Variants in STS observed in about 807,000 individuals in gnomAD.
STS encodes the protein steroid sulfatase.
Under a neutral mutation model 26.8 loss-of-function variants are expected in STS, and 7 were observed. The ratio of observed to expected loss-of-function variants is 0.26; its 90% CI spans 0.15 to 0.49. The LOEUF (loss-of-function observed/expected upper bound fraction) is 0.49. Ranked by LOEUF, STS falls within the 20% of genes least tolerant of loss-of-function variation. The pLI is 0.98. For missense variants in STS, 434 were observed against 465.6 expected, an observed-to-expected ratio of 0.93 and a Z score of 0.63; for synonymous variants, 199 against 189.4, an observed-to-expected ratio of 1.05 and a Z score of -0.42.
At chrX:7,280,198 T>A (rs1157837799) in intron 7 of STS, among the ~76,000 whole-genome samples, 1 of 111,434 alleles carries the variant, frequency 9.0e-6, no homozygotes, top group Non-Finnish European at 1.9e-5. Context: ...TGGGGTGCAA[T>A]GATGATAAGA....
At chrX:7,257,664 G>A in intron 5 of STS, 76 bp downstream of exon 5, 1 of 1,148,583 alleles carries the variant, frequency 8.7e-7, no homozygotes, top group Non-Finnish European at 1.2e-6. Flanking sequence ...GTTAGCAAAA[G>A]AGTGGGAGAG....
At chrX:7,185,118 G>A (rs1465516890) in intron 1 of STS, among the ~76,000 whole-genome samples, 7 of 111,884 alleles carry the variant, frequency 6.3e-5, no homozygotes, top group African/African-American at 2.3e-4. Context: ...GGATGAAATG[G>A]CAATGTGAAA....
chrX:7,233,091 C>CTTTTT (rs3077766), intron 2 of STS, among the ~76,000 whole-genome samples: 10 of 69,865 alleles, frequency 1.4e-4, no homozygotes, highest in Non-Finnish European at 2.1e-4. Flanking sequence ...TTCTTTTTTT[C>CTTTTT]TTTTTTTTTT....
chrX:7,340,900 A>G (rs1409015947), intron 10 of STS, among the ~76,000 whole-genome samples: 1 of 111,751 alleles, frequency 8.9e-6, no homozygotes, highest in Non-Finnish European at 1.9e-5. Context: ...CATGGCTACT[A>G]CTTCCCAAGG....
At chrX:7,285,108 G>A (rs1374563279) in intron 7 of STS, among the ~76,000 whole-genome samples, 4 of 110,561 alleles carry the variant, frequency 3.6e-5, no homozygotes, top group African/African-American at 9.9e-5. Flanking sequence ...ATGAAGAGGA[G>A]GAAGCAGGGG....
chrX:7,267,153 TGAGTGAGGATTAGTCC>T (rs1924045709), intron 6 of STS, among the ~76,000 whole-genome samples: 1 of 112,159 alleles, frequency 8.9e-6, no homozygotes, highest in Non-Finnish European at 1.9e-5. Context: ...GTAGACTTAT[TGAGTGAGGATTAGTCC>T]GAGTGAGGAT....
At chrX:7,327,740 A>G (rs1469474762) in intron 9 of STS, among the ~76,000 whole-genome samples, 1 of 110,421 alleles carries the variant, frequency 9.1e-6, no homozygotes, top group Non-Finnish European at 1.9e-5. Context: ...CTGGGCCTTC[A>G]CTCCTTCTCT....
chrX:7,168,930 T>C (rs1388830200), intron 1 of STS, among the ~76,000 whole-genome samples: 1 of 111,896 alleles, frequency 8.9e-6, no homozygotes, highest in Non-Finnish European at 1.9e-5. Context: ...GAAGGCTTTA[T>C]GGTATTAACA....
chrX:7,201,171 T>C (rs1389206928), intron 2 of STS, among the ~76,000 whole-genome samples: 3 of 111,414 alleles, frequency 2.7e-5, no homozygotes, highest in African/African-American at 9.8e-5. Context: ...AGATGATAGA[T>C]AGGTGGATGG....
At position 7,219,027 on chromosome X, in the gene STS, T is replaced by C. The variant is rs771010561; in HGVS notation, c.-5+28019T>C. ...AACCTGGCTCTGCAGTTAGCAAACC[T>C]GGGCTTTCCAAAAGCTAAAACCACC... On this transcript the variant is annotated intron_variant, in intron 2 of 10. Coordinates refer to ENST00000674429, the MANE Select transcript of STS (RefSeq NM_001320752.2). 5.3e-5 allele frequency among the ~76,000 whole-genome samples: 6 copies of C among 112,317 alleles called. No homozygotes were observed. The South Asian group carries it at 1.9e-3, about 35-fold the overall frequency.
intron 2 of STS, among the ~76,000 whole-genome samples, chrX:7,247,337 GGA>G (rs1343133416): frequency 2.7e-5 from 3 of 111,853 alleles, no homozygotes; most frequent in African/African-American, 6.5e-5. Flanking sequence ...GAGTGGATCA[GGA>G]GAGAGAGAGG....
intron 7 of STS, among the ~76,000 whole-genome samples, chrX:7,303,030 A>G (rs921754696): frequency 3.2e-4 from 36 of 111,271 alleles, no homozygotes; most frequent in African/African-American, 1.1e-3. Flanking sequence ...AGCAGGTGAT[A>G]TGGTTTGGCT....
In STS at chrX:7,333,427, TA is replaced by T. The variant is rs1927853675; in HGVS notation, c.1242-557del. On this transcript the variant is annotated intron_variant, in intron 9 of 10. Coordinates refer to ENST00000674429, the MANE Select transcript of STS (RefSeq NM_001320752.2). The stretch of plus-strand genomic sequence containing the variant: ...GGGAATAATCCGTTCCCTGGTTATT[TA>T]ATGGTATCATTATTATTATATATAC... 2.7e-5 allele frequency among the ~76,000 whole-genome samples: 3 copies of T among 112,514 alleles called. No homozygotes were observed. In the Admixed American group the frequency reaches 2.8e-4, roughly 11 times the overall value.
intron 1 of STS, among the ~76,000 whole-genome samples, chrX:7,176,486 G>C (rs1204993991): frequency 8.9e-6 from 1 of 111,852 alleles, no homozygotes; most frequent in Non-Finnish European, 1.9e-5. Context: ...GCATGTCTTT[G>C]TGTATCTCTA....
chrX:7,163,959 C>T (rs1157888730), intron 1 of STS, among the ~76,000 whole-genome samples: 1 of 111,995 alleles, frequency 8.9e-6, no homozygotes, highest in African/African-American at 3.2e-5. Flanking sequence ...TCTGGGACTA[C>T]AGGTGCCCAC....
At chrX:7,176,189 C>G (rs867668100) in intron 1 of STS, among the ~76,000 whole-genome samples, 29 of 111,916 alleles carry the variant, frequency 2.6e-4, no homozygotes, top group African/African-American at 8.1e-4. Flanking sequence ...TCTAAAGTCA[C>G]TCTTCGGTAA....
intron 5 of STS, 62 bp from the exon 6 acceptor site, chrX:7,259,287 A>C: frequency 9.3e-7 from 1 of 1,078,942 alleles, no homozygotes; most frequent in Non-Finnish European, 1.3e-6. Flanking sequence ...GTAGGAACAG[A>C]AGCTTGGATT....
In STS at chrX:7,284,639, T is replaced by C. The variant is rs191539754; in HGVS notation, c.943+8552T>C. Among the ~76,000 whole-genome samples the C allele has an allele frequency of 3.1e-3, 351 of 112,434 alleles. 4 individuals are homozygous for C. Among genetic ancestry groups the C allele is most frequent in the Admixed American group, 0.029 (309 of 10,611 alleles). ...TTTTCATTTTGTTTTAAACATGCGCTTCATAGAGTTCAAATAAAGATAAAT... is the reference window on the plus strand; with the variant it reads ...TTTTCATTTTGTTTTAAACATGCGCCTCATAGAGTTCAAATAAAGATAAAT... On this transcript the variant is annotated intron_variant, in intron 7 of 10. Transcript: ENST00000674429.
In STS at chrX:7,202,988, C is replaced by T. The variant is rs534796760; in HGVS notation, c.-5+11980C>T. ...CGTCCCTGTCTCTCTGTGTCTCTCTCCCTCTCTTCATCTCTCTCTTTCTTT... is the reference window on the plus strand; with the variant it reads ...CGTCCCTGTCTCTCTGTGTCTCTCTTCCTCTCTTCATCTCTCTCTTTCTTT... On this transcript the variant is annotated intron_variant, in intron 2 of 10. Coordinates refer to ENST00000674429, the MANE Select transcript of STS (RefSeq NM_001320752.2). Among the ~76,000 whole-genome samples the T allele has an allele frequency of 9.0e-5, 10 of 111,053 alleles. No homozygotes were observed. The South Asian group carries it at 3.9e-3, about 43-fold the overall frequency.
Sources: allele counts gnomAD v4.1 joint callset (sites outside exome capture counted in the v4.1 genomes callset), GRCh38; gene constraint gnomAD v4.1.1; transcripts MANE v1.5; gene names NCBI Gene and HGNC (gene_info 2026-07-23, HGNC 2026-07-21).